The following ZNHIT6 variants were observed in gnomAD, a reference collection of about 807,000 sequenced individuals.
The protein encoded by ZNHIT6 is box C/D snoRNA protein 1.
ZNHIT6 carries 45 observed loss-of-function variants against 57.2 expected under a neutral mutation model. The observed-to-expected ratio is 0.79, with a 90% CI of 0.62 to 1.01. ZNHIT6 has a LOEUF of 1.01. Among genes scored for constraint, ZNHIT6 ranks in the 50% least tolerant of loss-of-function variants. ZNHIT6 has a pLI of 0.00. For missense variants in ZNHIT6, 528 were observed against 567.3 expected, an observed-to-expected ratio of 0.93 and a Z score of 0.70; for synonymous variants, 188 against 190.0, an observed-to-expected ratio of 0.99 and a Z score of 0.09.
intron 5 of ZNHIT6, among the ~76,000 whole-genome samples, chr1:85,697,508 A>C (rs1557870845): frequency 6.6e-6 from 1 of 152,212 alleles, no homozygotes; most frequent in Admixed American, 6.5e-5. Context: ...ATTTGTACTA[A>C]TTTGAAATGT....
intron 8 of ZNHIT6, among the ~76,000 whole-genome samples, chr1:85,673,541 T>C (rs765796041): frequency 4.6e-5 from 7 of 152,190 alleles, no homozygotes; most frequent in Non-Finnish European, 1.5e-5. Context: ...CAACATCAAG[T>C]ATTTGGTAAA....
At position 85,657,980 on chromosome 1, in the gene ZNHIT6, TA is replaced by T. The variant is rs150031530; in HGVS notation, c.1248-10del. ...GATCTAGTTCATAATATCTTATTAATAAAAAAAAACAAAAAACCAGGAAACA... is the reference window on the plus strand; with the variant it reads ...GATCTAGTTCATAATATCTTATTAATAAAAAAAACAAAAAACCAGGAAACA... On this transcript the variant is annotated splice_polypyrimidine_tract_variant and intron_variant, in intron 8 of 9. Transcript: ENST00000370574. 1.4e-4 allele frequency: 192 copies of T among 1,409,866 alleles called. No homozygotes were observed. Among genetic ancestry groups the T allele is most frequent in the East Asian group, 5.0e-4 (21 of 41,900 alleles). 87.3% of individuals were successfully genotyped at this position (1,409,866 alleles called of 1,614,324 possible).
rs1311621074 is a variant in ZNHIT6, at chr1:85,707,459, C to A, written c.656+170G>T. ...ACTGAATTTGTTGTGTTGTCATGTACAACACCCTCCACTTCCCAACCCACC... is the reference window on the plus strand; with the variant it reads ...ACTGAATTTGTTGTGTTGTCATGTAAAACACCCTCCACTTCCCAACCCACC... On this transcript the variant is annotated intron_variant, in intron 1 of 9. Coordinates refer to ENST00000370574, the MANE Select transcript of ZNHIT6 (RefSeq NM_017953.4). 4.6e-5 allele frequency among the ~76,000 whole-genome samples: 7 copies of A among 152,212 alleles called. No homozygotes were observed. The East Asian group carries it at 1.4e-3, about 29-fold the overall frequency.
At chr1:85,707,179 A>G (rs1662707670) in intron 1 of ZNHIT6, among the ~76,000 whole-genome samples, 1 of 152,228 alleles carries the variant, frequency 6.6e-6, no homozygotes, top group African/African-American at 2.4e-5. Context: ...ATCAAAAGCA[A>G]TAAATATTCA....
chr1:85,679,398 C>T (rs533556165), intron 6 of ZNHIT6, among the ~76,000 whole-genome samples: 100 of 152,034 alleles, frequency 6.6e-4, no homozygotes, highest in Non-Finnish European at 1.2e-3. Flanking sequence ...AAGTCTTTTC[C>T]TTGTATGCAA....
At chr1:85,702,333 C>A in intron 4 of ZNHIT6, 73 bp from the exon 5 acceptor site, 1 of 888,354 alleles carries the variant, frequency 1.1e-6, no homozygotes, top group South Asian at 1.7e-5. Flanking sequence ...AAACAATGTT[C>A]AATAATAGTT....
rs958882740 is a variant in ZNHIT6, at chr1:85,650,442, T to C, written c.*3616A>G. On this transcript the variant is annotated 3_prime_UTR_variant, in exon 10 of 10. Coordinates refer to ENST00000370574, the MANE Select transcript of ZNHIT6 (RefSeq NM_017953.4). ...GACCCAGTCATTGCCTGGACTTCCCTGTATATAAGCCAATGAACTGCCCTT... is the reference window on the plus strand; with the variant it reads ...GACCCAGTCATTGCCTGGACTTCCCCGTATATAAGCCAATGAACTGCCCTT... The C allele has an allele frequency of 6.6e-6, 1 of 152,240 alleles. No homozygotes were observed. Among genetic ancestry groups the C allele is most frequent in the Non-Finnish European group, 1.5e-5 (1 of 68,050 alleles). The allele number at this position is 152,240 out of a possible 1,614,324, so 9.4% of individuals were successfully genotyped here.
At chr1:85,682,317 C>T (rs1284091218) in intron 5 of ZNHIT6, among the ~76,000 whole-genome samples, 1 of 151,834 alleles carries the variant, frequency 6.6e-6, no homozygotes, top group East Asian at 1.9e-4. Flanking sequence ...AGCCACCGCA[C>T]CCGGCCTCAT....
chr1:85,657,729 G>C, intron 9 of ZNHIT6, 118 bp downstream of exon 9: 1 of 934,448 alleles, frequency 1.1e-6, no homozygotes, highest in South Asian at 1.7e-5. Context: ...CTATACAGTA[G>C]ATCCTGTAAG....
chr1:85,661,586 C>G (rs1386032190), intron 8 of ZNHIT6, among the ~76,000 whole-genome samples: 1 of 152,144 alleles, frequency 6.6e-6, no homozygotes, highest in Non-Finnish European at 1.5e-5. Flanking sequence ...TTCTGTATGA[C>G]CTTCAAATCA....
intron 5 of ZNHIT6, among the ~76,000 whole-genome samples, chr1:85,688,330 C>A (rs1265844779): frequency 6.6e-6 from 1 of 152,150 alleles, no homozygotes; most frequent in Non-Finnish European, 1.5e-5. Flanking sequence ...GGGATTTGAG[C>A]CCAGGCAGTG....
intron 5 of ZNHIT6, among the ~76,000 whole-genome samples, chr1:85,695,761 G>A (rs1474377179): frequency 6.6e-6 from 1 of 152,226 alleles, no homozygotes; most frequent in Non-Finnish European, 1.5e-5. Context: ...TTCAGGCCGG[G>A]CGCGGTGGCT....
chr1:85,667,961 A>AAAAAAAAAAAAAAAAAAAAAAGTAT, intron 8 of ZNHIT6, among the ~76,000 whole-genome samples: 1 of 18,200 alleles, frequency 5.5e-5, no homozygotes, highest in Admixed American at 6.8e-4. Flanking sequence ...AAAAAAAAAA[A>AAAAAAAAAAAAAAAAAAAAAAGTAT]ATATATATAT....
intron 8 of ZNHIT6, among the ~76,000 whole-genome samples, chr1:85,672,829 T>C (rs1477426903): frequency 1.3e-5 from 2 of 149,338 alleles, no homozygotes; most frequent in Non-Finnish European, 3.0e-5. Context: ...TTTACAAGTA[T>C]CAAAGCAGCA....
intron 8 of ZNHIT6, among the ~76,000 whole-genome samples, chr1:85,664,857 AGTCTCGCTCT>A: frequency 6.6e-6 from 1 of 152,092 alleles, no homozygotes; most frequent in East Asian, 1.9e-4. Flanking sequence ...TTTGAGACAC[AGTCTCGCTCT>A]GTCACCCAGG....
chr1:85,681,494 A>G (rs887633062), intron 5 of ZNHIT6, among the ~76,000 whole-genome samples: 1 of 152,204 alleles, frequency 6.6e-6, no homozygotes, highest in African/African-American at 2.4e-5. Flanking sequence ...AGACATTGAC[A>G]TGATTCCTTC....
At chr1:85,658,947 A>G (rs1366734993) in intron 8 of ZNHIT6, among the ~76,000 whole-genome samples, 1 of 152,126 alleles carries the variant, frequency 6.6e-6, no homozygotes, top group Admixed American at 6.5e-5. Flanking sequence ...TGAGCTAACT[A>G]TTTGAATTCC....
At chr1:85,668,938 G>A (rs1241398793) in intron 8 of ZNHIT6, among the ~76,000 whole-genome samples, 1 of 151,996 alleles carries the variant, frequency 6.6e-6, no homozygotes, top group African/African-American at 2.4e-5. Context: ...CTCAAAGTGT[G>A]GTCCCAGGAA....
intron 5 of ZNHIT6, among the ~76,000 whole-genome samples, chr1:85,689,601 T>A (rs551542137): frequency 1.6e-4 from 24 of 152,238 alleles, no homozygotes; most frequent in African/African-American, 5.5e-4. Context: ...TTGGCTTTAG[T>A]AGAAAGTATA....
Sources: allele counts gnomAD v4.1 joint callset (sites outside exome capture counted in the v4.1 genomes callset), GRCh38; gene constraint gnomAD v4.1.1; transcripts MANE v1.5; gene names NCBI Gene and HGNC (gene_info 2026-07-23, HGNC 2026-07-21).